KHDRBS2: variants seen among roughly 807,000 people sequenced by gnomAD.
The protein encoded by KHDRBS2 is KH RNA binding domain containing, signal transduction associated 2, also known as KH domain-containing, RNA-binding, signal transduction-associated protein 2.
A neutral mutation model predicts 44.3 loss-of-function variants in KHDRBS2; 26 were observed. That is an observed-to-expected ratio of 0.59 (90% CI 0.43 to 0.81). The LOEUF (loss-of-function observed/expected upper bound fraction) is 0.81. Among genes scored for constraint, KHDRBS2 ranks in the 40% least tolerant of loss-of-function variants. The pLI is 0.00. For missense variants in KHDRBS2, 476 were observed against 433.1 expected (o/e 1.10, Z -0.88); for synonymous variants, 194 against 151.1 (o/e 1.28, Z -2.08).
At chr6:62,277,250 G>T (rs570333626) in intron 1 of KHDRBS2, among the ~76,000 whole-genome samples, 7 of 152,050 alleles carry the variant, frequency 4.6e-5, no homozygotes, top group Admixed American at 3.3e-4. Context: ...ATCCCCTATA[G>T]ATTATAAACC....
rs926671852 is a variant in KHDRBS2, at chr6:61,796,120, C to T, written c.811-63356G>A. 2.6e-5 allele frequency among the ~76,000 whole-genome samples: 4 copies of T among 151,884 alleles called. No homozygotes were observed. In the South Asian group the frequency reaches 6.2e-4, roughly 24 times the overall value. On this transcript the variant is annotated intron_variant, in intron 6 of 8. Coordinates refer to ENST00000281156, the MANE Select transcript of KHDRBS2 (RefSeq NM_152688.4). ...CTAAGATTAAATAGGATTTAAATTC[C>T]ATTTTCTAGATAATAGAAAATAACT...
chr6:61,849,760 A>G (rs1038638467), intron 6 of KHDRBS2, among the ~76,000 whole-genome samples: 3 of 152,062 alleles, frequency 2.0e-5, no homozygotes, highest in African/African-American at 7.2e-5. Flanking sequence ...TATAGCAGCT[A>G]AAGATCTCTT....
the KHDRBS2 span, among the ~76,000 whole-genome samples, chr6:61,636,145 C>T: frequency 9.2e-5 from 14 of 152,044 alleles, no homozygotes; most frequent in Non-Finnish European, 1.9e-4. Context: ...TCAAATCATT[C>T]TTCCCAGAAC....
intron 4 of KHDRBS2, among the ~76,000 whole-genome samples, chr6:61,939,197 C>G (rs144449534): frequency 1.3e-5 from 2 of 152,218 alleles, no homozygotes; most frequent in East Asian, 1.9e-4. Flanking sequence ...ATGTAATGGA[C>G]TTTGCTCTCA....
chr6:61,602,764 T>C, the KHDRBS2 span, among the ~76,000 whole-genome samples: 1 of 152,138 alleles, frequency 6.6e-6, no homozygotes, highest in Non-Finnish European at 1.5e-5. Context: ...ATGGCCAGGC[T>C]TCTAAACCTC....
At chr6:61,886,828 T>C (rs1404692693) in intron 6 of KHDRBS2, among the ~76,000 whole-genome samples, 1 of 152,184 alleles carries the variant, frequency 6.6e-6, no homozygotes, top group Non-Finnish European at 1.5e-5. Flanking sequence ...TGGCATCCTT[T>C]TTAGAGTAGA....
chr6:61,968,062 C>G (rs970150238), intron 4 of KHDRBS2, among the ~76,000 whole-genome samples: 1 of 151,432 alleles, frequency 6.6e-6, no homozygotes, highest in Non-Finnish European at 1.5e-5. Context: ...CTTTATTACT[C>G]AGAGAAGAGG....
At chr6:61,607,415 T>TA in the KHDRBS2 span, among the ~76,000 whole-genome samples, 2 of 145,528 alleles carry the variant, frequency 1.4e-5, no homozygotes, top group African/African-American at 2.5e-5. Flanking sequence ...TAGTTGATTT[T>TA]AAAAAACAAT....
At chr6:61,891,617 A>T (rs1801858738) in intron 6 of KHDRBS2, among the ~76,000 whole-genome samples, 2 of 152,216 alleles carry the variant, frequency 1.3e-5, no homozygotes, top group Non-Finnish European at 2.9e-5. Flanking sequence ...AATAAACATA[A>T]CCCAGCATAT....
At chr6:62,054,099 C>T (rs561051770) in intron 2 of KHDRBS2, among the ~76,000 whole-genome samples, 1 of 152,122 alleles carries the variant, frequency 6.6e-6, no homozygotes, top group Admixed American at 6.6e-5. Flanking sequence ...GATTTCTAGT[C>T]TTCTAAATTT....
At chr6:61,983,127 A>G (rs1313134705) in intron 3 of KHDRBS2, among the ~76,000 whole-genome samples, 1 of 151,800 alleles carries the variant, frequency 6.6e-6, no homozygotes, top group African/African-American at 2.4e-5. Flanking sequence ...TTGGACTGGA[A>G]TGTCATATTT....
In KHDRBS2 at chr6:61,981,717, G is replaced by C. The variant is rs547414996; in HGVS notation, c.337-3505C>G. On this transcript the variant is annotated intron_variant, in intron 3 of 8. Transcript: ENST00000281156. ...ACTTAGATTTTTCAGAGAGCCCCTG[G>C]AAAATCTCTAAGGATTCATGTTCTC... 3.9e-5 allele frequency among the ~76,000 whole-genome samples: 6 copies of C among 152,166 alleles called. No individual in the cohort carries two copies. In the South Asian group the frequency reaches 1.2e-3, roughly 32 times the overall value.
intron 3 of KHDRBS2, among the ~76,000 whole-genome samples, chr6:62,019,180 G>T (rs1372480867): frequency 2.6e-5 from 4 of 151,854 alleles, no homozygotes; most frequent in African/African-American, 9.7e-5. Flanking sequence ...TTTATTTTTA[G>T]AATAAGTACT....
chr6:62,266,455 C>A (rs1839216247), intron 1 of KHDRBS2, among the ~76,000 whole-genome samples: 1 of 152,050 alleles, frequency 6.6e-6, no homozygotes, highest in South Asian at 2.1e-4. Context: ...CTCACCTCTC[C>A]ACTTGTGTAT....
rs1228734814 is a variant in KHDRBS2, at chr6:62,129,959, T to TAATTAATTGA, written c.219+47225_219+47226insTCAATTAATT. On this transcript the variant is annotated intron_variant, in intron 2 of 8. Coordinates refer to ENST00000281156, the MANE Select transcript of KHDRBS2 (RefSeq NM_152688.4). ...AAAATTAGCTGAGATTATTTGTATA[T>TAATTAATTGA]AATTAGTTGAAAGAACACCTGTGCA... 1.1e-4 allele frequency among the ~76,000 whole-genome samples: 17 copies of TAATTAATTGA among 152,188 alleles called. 1 individual carries two copies. Among genetic ancestry groups the TAATTAATTGA allele is most frequent in the Admixed American group, 1.1e-3 (17 of 15,268 alleles).
chr6:62,179,856 G>A (rs909942593), intron 1 of KHDRBS2, among the ~76,000 whole-genome samples: 1 of 151,612 alleles, frequency 6.6e-6, no homozygotes, highest in African/African-American at 2.4e-5. Flanking sequence ...TTCTTCTGAA[G>A]TTTTTTGGTA....
intron 4 of KHDRBS2, among the ~76,000 whole-genome samples, chr6:61,922,532 T>C (rs564742076): frequency 6.6e-6 from 1 of 152,040 alleles, no homozygotes; most frequent in Non-Finnish European, 1.5e-5. Context: ...AGGAGGAAGC[T>C]ATCTAGGGCT....
intron 2 of KHDRBS2, among the ~76,000 whole-genome samples, chr6:62,173,933 A>G (rs959590754): frequency 6.6e-6 from 1 of 152,054 alleles, no homozygotes; most frequent in Non-Finnish European, 1.5e-5. Flanking sequence ...AGAGCCATCT[A>G]TGAAAAACCC....
chr6:62,106,465 G>T lies in KHDRBS2; in HGVS notation c.220-58471C>A, dbSNP rs375719078. Among the ~76,000 whole-genome samples, 273 of 152,252 alleles carry T rather than the reference G, an allele frequency of 1.8e-3. 10 individuals are homozygous for T. In the South Asian group the frequency reaches 0.051, roughly 29 times the overall value. On this transcript the variant is annotated intron_variant, in intron 2 of 8. Transcript: ENST00000281156. ...TTCTGTTATGAATCTGGGTGCTCCT[G>T]TATTGGGTGCATACATATTTAGGAT... is the stretch of plus-strand genomic sequence containing the variant.
Sources: gnomAD v4.1 joint callset for allele counts (sites outside exome capture counted in the v4.1 genomes callset) on GRCh38, gnomAD v4.1.1 for gene constraint, MANE v1.5 for transcripts, NCBI Gene and HGNC (gene_info 2026-07-23, HGNC 2026-07-21) for gene names.